The following ST18 variants were observed in gnomAD, a reference collection of about 807,000 sequenced individuals.
The protein encoded by ST18 is suppression of tumorigenicity 18 protein.
A neutral mutation model predicts 110.0 loss-of-function variants in ST18; 50 were observed. The ratio of observed to expected loss-of-function variants is 0.45; its 90% CI spans 0.36 to 0.58. The LOEUF is 0.58. Ranked by LOEUF, ST18 falls within the 20% of genes least tolerant of loss-of-function variation. ST18 has a pLI of 0.00. For synonymous variants in ST18, 461 were observed against 452.4 expected, an observed-to-expected ratio of 1.02 and a Z score of -0.24; for missense variants, 1,306 against 1,280.1, an observed-to-expected ratio of 1.02 and a Z score of -0.31.
chr8:52,296,050 G>A (rs2095631878), intron 2 of ST18, among the ~76,000 whole-genome samples: 1 of 151,968 alleles, frequency 6.6e-6, no homozygotes, highest in Non-Finnish European at 1.5e-5. Context: ...ACCCCTGCCT[G>A]GAAAATGCAA....
chr8:52,247,229 C>A (rs997930676), intron 2 of ST18, among the ~76,000 whole-genome samples: 7 of 152,226 alleles, frequency 4.6e-5, no homozygotes, highest in Middle Eastern at 3.4e-3. Flanking sequence ...AATTAAGTTT[C>A]TCAAATTTCT....
intron 8 of ST18, among the ~76,000 whole-genome samples, chr8:52,190,444 A>G (rs2074093198): frequency 6.6e-6 from 1 of 152,096 alleles, no homozygotes; most frequent in South Asian, 2.1e-4. Flanking sequence ...ACCCTACAAG[A>G]CTGATCCTGG....
intron 16 of ST18, among the ~76,000 whole-genome samples, chr8:52,148,932 G>A (rs1288506025): frequency 6.6e-6 from 1 of 152,158 alleles, no homozygotes; most frequent in African/African-American, 2.4e-5. Flanking sequence ...CATATCAACT[G>A]GCAAGCCCAT....
Position 52,110,908 on chromosome 8 carries a change from T to C in ST18, c.*2290A>G. 2.5e-6 allele frequency: 1 copy of C among 394,438 alleles called. No homozygotes were observed. The allele number at this position is 394,438 out of a possible 1,614,324, so 24.4% of individuals were successfully genotyped here. On this transcript the variant is annotated 3_prime_UTR_variant, in exon 26 of 26. Transcript: ENST00000689386. ...TGAACACAATTTTGTTGCTTTGATG[T>C]AAGAAATATTAAGTGTTTGGAGAAA...
chr8:52,341,051 G>A (rs559230077), intron 2 of ST18, among the ~76,000 whole-genome samples: 2 of 152,120 alleles, frequency 1.3e-5, no homozygotes, highest in African/African-American at 4.8e-5. Flanking sequence ...CTAAATACTA[G>A]GAAAGTCTAT....
At chr8:52,330,870 G>A (rs954242883) in intron 2 of ST18, among the ~76,000 whole-genome samples, 1 of 152,186 alleles carries the variant, frequency 6.6e-6, no homozygotes, top group African/African-American at 2.4e-5. Context: ...GACAAAAAAG[G>A]CAAAGAAGCA....
intron 2 of ST18, among the ~76,000 whole-genome samples, chr8:52,365,722 G>T (rs1827633544): frequency 6.6e-6 from 1 of 151,966 alleles, no homozygotes; most frequent in Non-Finnish European, 1.5e-5. Flanking sequence ...TCTGAGACAG[G>T]TTCTGGCTGT....
intron 2 of ST18, among the ~76,000 whole-genome samples, chr8:52,361,065 T>C (rs543188343): frequency 1.2e-3 from 189 of 152,320 alleles, no homozygotes; most frequent in African/African-American, 4.3e-3. Context: ...AAACCATGCA[T>C]TGTATATAAG....
chr8:52,148,855 TA>T (rs2058080562), intron 16 of ST18, among the ~76,000 whole-genome samples: 1 of 152,208 alleles, frequency 6.6e-6, no homozygotes, highest in Admixed American at 6.5e-5. Context: ...CCAAAGTCTC[TA>T]AACTTCAAAA....
At chr8:52,375,610 C>G (rs771875671) in intron 2 of ST18, among the ~76,000 whole-genome samples, 4 of 152,192 alleles carry the variant, frequency 2.6e-5, no homozygotes, top group African/African-American at 4.8e-5. Flanking sequence ...AATGCCCCAG[C>G]AGAATGCCCC....
chr8:52,166,947 A>G lies in ST18; in HGVS notation c.1109T>C (p.Ile370Thr). The G allele has an allele frequency of 6.2e-7, 1 of 1,612,182 alleles. No homozygotes were observed. The highest frequency in any genetic ancestry group is 8.5e-7 in the Non-Finnish European group (1 of 1,178,504). The change falls in exon 11 of 26, where the codon ATC becomes ACC. Residue 370 changes from isoleucine (I) to threonine (T), a missense_variant. Transcript: ENST00000689386. ...GTGTCCCGTGCCATCACATCCAGGG[A>G]TCGGGCACTTGGTCTCCCTCTTTTC... ...RPEKRETKCP[I>T]PGCDGTGHVT...
At chr8:52,300,216 GC>G (rs1264921753) in intron 2 of ST18, among the ~76,000 whole-genome samples, 1 of 152,180 alleles carries the variant, frequency 6.6e-6, no homozygotes, top group East Asian at 1.9e-4. Flanking sequence ...ACACGGAATT[GC>G]TTTTCTCTGT....
Position 52,342,511 on chromosome 8 carries a change from T to C in ST18, c.-465+66817A>G, listed in dbSNP as rs189398647. Among the ~76,000 whole-genome samples, 33 of 152,356 alleles carry C rather than the reference T, an allele frequency of 2.2e-4. No individual in the cohort carries two copies. The East Asian group carries it at 6.2e-3, about 29-fold the overall frequency. On this transcript the variant is annotated intron_variant, in intron 2 of 25. Transcript: ENST00000689386. ...ACGATGGAGATGAGAACATGAGTGT[T>C]AGTTTATTTTGTTGTAAAGTCTTTC...
At chr8:52,363,478 A>G (rs1231819066) in intron 2 of ST18, among the ~76,000 whole-genome samples, 3 of 152,220 alleles carry the variant, frequency 2.0e-5, no homozygotes. Context: ...TGTGAATTAT[A>G]CACACCATAG....
At chr8:52,299,464 T>C (rs1305783155) in intron 2 of ST18, among the ~76,000 whole-genome samples, 1 of 152,250 alleles carries the variant, frequency 6.6e-6, no homozygotes, top group East Asian at 1.9e-4. Flanking sequence ...TTTTGTATTT[T>C]CAAGTCTCTC....
intron 17 of ST18, among the ~76,000 whole-genome samples, chr8:52,142,636 T>C (rs973796746): frequency 1.3e-5 from 2 of 152,190 alleles, no homozygotes; most frequent in Admixed American, 6.5e-5. Flanking sequence ...GTTAGAAGGT[T>C]AGTAGAGTCC....
chr8:52,276,153 C>CACACACACATCACACAT (rs1564393049), intron 2 of ST18, among the ~76,000 whole-genome samples: 5 of 13,006 alleles, frequency 3.8e-4, no homozygotes, highest in African/African-American at 8.2e-4. Context: ...ATGCACACCA[C>CACACACACATCACACAT]GCACCACACA....
chr8:52,294,272 G>A (rs1446317153), intron 2 of ST18, among the ~76,000 whole-genome samples: 4 of 152,214 alleles, frequency 2.6e-5, no homozygotes, highest in Admixed American at 6.5e-5. Flanking sequence ...CCTGAGATCC[G>A]TCATTTGCTT....
intron 2 of ST18, among the ~76,000 whole-genome samples, chr8:52,260,080 C>T (rs537414723): frequency 1.1e-4 from 16 of 152,266 alleles, no homozygotes; most frequent in East Asian, 7.7e-4. Flanking sequence ...GCCAGTGATT[C>T]GCTCCATCAG....
Sources: gnomAD v4.1 joint callset for allele counts (sites outside exome capture counted in the v4.1 genomes callset) on GRCh38, gnomAD v4.1.1 for gene constraint, MANE v1.5 for transcripts, NCBI Gene and HGNC (gene_info 2026-07-23, HGNC 2026-07-21) for gene names.